TENM3: variants seen among roughly 807,000 people sequenced by gnomAD.
The protein encoded by TENM3 is teneurin transmembrane protein 3, also known as teneurin-3.
In TENM3, 63 loss-of-function variants were observed where a neutral mutation model predicts 255.1. The observed-to-expected ratio is 0.25, with a 90% CI of 0.20 to 0.30. The LOEUF (loss-of-function observed/expected upper bound fraction) is 0.30, where lower values mean the gene tolerates loss of function less well. TENM3 is among the 10% of genes least tolerant of loss of function. TENM3 has a pLI of 1.00. For synonymous variants in TENM3, 1,306 were observed against 1,322.3 expected, an observed-to-expected ratio of 0.99 and a Z score of 0.27; for missense variants, 2,929 against 3,461.1, an observed-to-expected ratio of 0.85 and a Z score of 3.86.
At chr4:182,478,302 TTGAC>T (rs1336620684) in intron 3 of TENM3, among the ~76,000 whole-genome samples, 1 of 152,130 alleles carries the variant, frequency 6.6e-6, no homozygotes, top group Non-Finnish European at 1.5e-5. Context: ...TGAAAATTTA[TTGAC>T]TATTTTATTT....
the TENM3 span, among the ~76,000 whole-genome samples, chr4:181,895,388 A>G: frequency 6.6e-6 from 1 of 152,206 alleles, no homozygotes; most frequent in South Asian, 2.1e-4. Context: ...TTAACTTATC[A>G]TTAGCTATTC....
chr4:182,021,458 T>C, the TENM3 span, among the ~76,000 whole-genome samples: 1 of 152,212 alleles, frequency 6.6e-6, no homozygotes, highest in Admixed American at 6.5e-5. Flanking sequence ...TAAATGCTTC[T>C]ACTGATTAGT....
chr4:181,857,342 G>A, the TENM3 span, among the ~76,000 whole-genome samples: 3 of 151,722 alleles, frequency 2.0e-5, no homozygotes, highest in South Asian at 2.1e-4. Flanking sequence ...GGTGGCTGGA[G>A]GGGGCAGGTG....
chr4:182,355,284 G>A (rs1202346751), intron 3 of TENM3, among the ~76,000 whole-genome samples: 1 of 152,266 alleles, frequency 6.6e-6, no homozygotes, highest in African/African-American at 2.4e-5. Context: ...TTGATGCCTG[G>A]GACACATGAG....
intron 3 of TENM3, among the ~76,000 whole-genome samples, chr4:182,448,713 G>C (rs28672794): frequency 0.96 from 146,723 of 152,058 alleles, 71,000 homozygotes; most frequent in East Asian, 1. Context: ...GTCTTCGGAG[G>C]GTGCCGGGAG....
the TENM3 span, among the ~76,000 whole-genome samples, chr4:181,622,407 G>A: frequency 6.6e-6 from 1 of 152,280 alleles, no homozygotes; most frequent in Non-Finnish European, 1.5e-5. Context: ...CAGGCACAGT[G>A]GCTTGCACCT....
At chr4:181,779,918 G>T in the TENM3 span, among the ~76,000 whole-genome samples, 595 of 152,308 alleles carry the variant, frequency 3.9e-3, 2 homozygotes, top group Middle Eastern at 0.037. Context: ...ACAGTTTGCT[G>T]AGAATGATGA....
the TENM3 span, among the ~76,000 whole-genome samples, chr4:181,493,930 A>T: frequency 0.051 from 7,799 of 152,168 alleles, 276 homozygotes; most frequent in Non-Finnish European, 0.08. Flanking sequence ...CCGCAATAAT[A>T]ATATCAAATA....
chr4:182,571,463 T>C (rs1580977764), intron 3 of TENM3, among the ~76,000 whole-genome samples: 1 of 152,206 alleles, frequency 6.6e-6, no homozygotes, highest in East Asian at 1.9e-4. Flanking sequence ...GAAGCAGAGG[T>C]TTCAGTGAGC....
At chr4:181,490,647 C>T in the TENM3 span, among the ~76,000 whole-genome samples, 2 of 152,096 alleles carry the variant, frequency 1.3e-5, no homozygotes, top group African/African-American at 2.4e-5. Flanking sequence ...TGCTGATATT[C>T]GTCATGAGTA....
the TENM3 span, among the ~76,000 whole-genome samples, chr4:182,050,027 C>T: frequency 6.6e-6 from 1 of 151,400 alleles, no homozygotes. Flanking sequence ...GAGTCTCACT[C>T]TGTCTCCCAG....
At chr4:181,578,525 G>A in the TENM3 span, among the ~76,000 whole-genome samples, 1 of 152,204 alleles carries the variant, frequency 6.6e-6, no homozygotes, top group African/African-American at 2.4e-5. Flanking sequence ...CTGCTCAGCA[G>A]CAGGGAAGGG....
the TENM3 span, among the ~76,000 whole-genome samples, chr4:181,930,686 T>G: frequency 1.3e-5 from 2 of 152,176 alleles, no homozygotes; most frequent in Non-Finnish European, 2.9e-5. Context: ...ATCATCCTGA[T>G]ACCAAAACCT....
At chr4:181,881,257 A>G in the TENM3 span, among the ~76,000 whole-genome samples, 1 of 152,172 alleles carries the variant, frequency 6.6e-6, no homozygotes, top group Admixed American at 6.5e-5. Context: ...AGAGGCAAGT[A>G]TGATGACTCA....
intron 2 of TENM3, among the ~76,000 whole-genome samples, chr4:182,331,831 A>G (rs1210679047): frequency 1.3e-5 from 2 of 152,230 alleles, no homozygotes; most frequent in African/African-American, 4.8e-5. Context: ...TGCGTACCTT[A>G]AACAATAATA....
intron 3 of TENM3, among the ~76,000 whole-genome samples, chr4:182,548,175 T>C (rs1486832117): frequency 2.0e-5 from 3 of 152,062 alleles, no homozygotes; most frequent in Non-Finnish European, 4.4e-5. Context: ...CAGTGATCTA[T>C]GATCATACCA....
chr4:182,544,162 A>G lies in TENM3; in HGVS notation c.512-56762A>G, dbSNP rs1232038672. Among the ~76,000 whole-genome samples the G allele has an allele frequency of 2.0e-5, 3 of 152,136 alleles. No individual in the cohort carries two copies. In the East Asian group the frequency reaches 5.8e-4, roughly 29 times the overall value. ...ACAAATATTGTATTCAGAAAGGTAT[A>G]TACATGTAAGTTTTTAGTTGATTGT... On this transcript the variant is annotated intron_variant, in intron 3 of 27. Transcript: ENST00000511685.
the TENM3 span, among the ~76,000 whole-genome samples, chr4:181,537,114 C>A: frequency 1.3e-5 from 2 of 151,964 alleles, no homozygotes; most frequent in Non-Finnish European, 2.9e-5. Flanking sequence ...ATAAACCTCA[C>A]CCTCCTTTAA....
At chr4:182,150,226 G>C (rs979079149) in intron 1 of TENM3, among the ~76,000 whole-genome samples, 1 of 151,638 alleles carries the variant, frequency 6.6e-6, no homozygotes. Flanking sequence ...GAAAGGAAAA[G>C]AGGAAGGGAG....
Sources: gnomAD v4.1 joint callset for allele counts (sites outside exome capture counted in the v4.1 genomes callset) on GRCh38, gnomAD v4.1.1 for gene constraint, MANE v1.5 for transcripts, NCBI Gene and HGNC (gene_info 2026-07-23, HGNC 2026-07-21) for gene names.